The following CHODL variants were observed in gnomAD, a reference collection of about 807,000 sequenced individuals.
CHODL encodes transmembrane protein MT75.
CHODL carries 29 observed loss-of-function variants against 34.5 expected under a neutral mutation model. The observed-to-expected ratio is 0.84, with a 90% CI of 0.63 to 1.15. CHODL has a LOEUF of 1.15. Ranked by LOEUF, CHODL falls within the 50% of genes most tolerant of loss-of-function variation. CHODL has a pLI of 0.00. For synonymous variants in CHODL, 125 were observed against 116.1 expected (o/e 1.08, Z -0.49); for missense variants, 332 against 332.5 (o/e 1.00, Z 0.01).
intron 2 of CHODL, among the ~76,000 whole-genome samples, chr21:18,081,403 G>A (rs771986846): frequency 1.3e-5 from 2 of 152,044 alleles, no homozygotes; most frequent in Non-Finnish European, 2.9e-5. Context: ...AAGTGGGGCT[G>A]GGTGCGGTGG....
At chr21:17,999,014 C>A (rs1210226347) in intron 1 of CHODL, among the ~76,000 whole-genome samples, 1 of 152,292 alleles carries the variant, frequency 6.6e-6, no homozygotes, top group Admixed American at 6.5e-5. Flanking sequence ...TTTTCTGAAC[C>A]TTTATGCTGT....
At chr21:18,127,193 G>A (rs2065557066) in intron 2 of CHODL, among the ~76,000 whole-genome samples, 1 of 151,494 alleles carries the variant, frequency 6.6e-6, no homozygotes, top group African/African-American at 2.4e-5. Flanking sequence ...TTTTTTTTAA[G>A]GAATAATGAA....
chr21:18,113,828 G>A (rs1454972681), intron 2 of CHODL, among the ~76,000 whole-genome samples: 2 of 152,178 alleles, frequency 1.3e-5, no homozygotes, highest in Admixed American at 1.3e-4. Context: ...ATATTGAAGA[G>A]ATATCTGTAC....
At chr21:18,152,770 C>T (rs1400922037) in intron 2 of CHODL, among the ~76,000 whole-genome samples, 1 of 152,190 alleles carries the variant, frequency 6.6e-6, no homozygotes, top group Non-Finnish European at 1.5e-5. Context: ...ATGGTATATG[C>T]ACCAGGGAGT....
At chr21:18,131,348 T>G (rs1373392758) in intron 2 of CHODL, among the ~76,000 whole-genome samples, 2 of 152,250 alleles carry the variant, frequency 1.3e-5, no homozygotes, top group Admixed American at 6.5e-5. Context: ...AATATCTTAA[T>G]GAGGTAGAAA....
At chr21:18,260,354 G>T in intron 4 of CHODL, 68 bp downstream of exon 4, 1 of 997,896 alleles carries the variant, frequency 1.0e-6, no homozygotes, top group South Asian at 1.5e-5. Context: ...GCTTCATGTT[G>T]ACCCCAGTGA....
At chr21:18,220,198 A>G (rs1270281961) in intron 2 of CHODL, among the ~76,000 whole-genome samples, 1 of 151,836 alleles carries the variant, frequency 6.6e-6, no homozygotes, top group Non-Finnish European at 1.5e-5. Flanking sequence ...TCATCCCTTC[A>G]CTTGCAGTCT....
chr21:18,090,759 A>G (rs534922364), intron 2 of CHODL, among the ~76,000 whole-genome samples: 5 of 149,768 alleles, frequency 3.3e-5, no homozygotes, highest in South Asian at 4.2e-4. Flanking sequence ...AAGGCAGGTT[A>G]CAGTATATTA....
Position 18,174,141 on chromosome 21 carries a change from A to ATATCTTGG in CHODL, c.-44-82365_-44-82364insCTTGGTAT, listed in dbSNP as rs1555879227. 6.5e-4 allele frequency among the ~76,000 whole-genome samples: 76 copies of ATATCTTGG among 117,346 alleles called. 2 individuals are homozygous for ATATCTTGG. The highest frequency in any genetic ancestry group is 2.5e-3 in the African/African-American group (71 of 28,474). The allele number at this position is 117,346 out of a possible 152,430, so 77.0% of individuals were successfully genotyped here. The stretch of plus-strand genomic sequence containing the variant: ...TCTTGGTGTATATATATATATATAT[A>ATATCTTGG]TATATATATATATATATATAAAATC... On this transcript the variant is annotated intron_variant, in intron 2 of 6. Coordinates refer to the CHODL transcript ENST00000400127.
intron 1 of CHODL, among the ~76,000 whole-genome samples, chr21:17,960,780 C>T (rs200800): frequency 3.9e-4 from 60 of 152,030 alleles, no homozygotes; most frequent in Middle Eastern, 3.4e-3. Flanking sequence ...TTCTCCAGGA[C>T]TCTCTTGATC....
At chr21:18,227,183 C>T (rs1421927787) in intron 2 of CHODL, among the ~76,000 whole-genome samples, 1 of 152,064 alleles carries the variant, frequency 6.6e-6, no homozygotes, top group Non-Finnish European at 1.5e-5. Context: ...GGCCTCATGA[C>T]CTAATCACCT....
chr21:18,086,029 G>T (rs2065002106), intron 2 of CHODL, among the ~76,000 whole-genome samples: 2 of 115,044 alleles, frequency 1.7e-5, no homozygotes, highest in East Asian at 3.5e-4. Flanking sequence ...CAGATGTCTT[G>T]AAGACTTTGT....
intron 1 of CHODL, among the ~76,000 whole-genome samples, chr21:17,993,049 T>G (rs1162352834): frequency 6.6e-6 from 1 of 152,190 alleles, no homozygotes; most frequent in Non-Finnish European, 1.5e-5. Flanking sequence ...TCCTTCCATT[T>G]CCTCGTCTGG....
intron 3 of CHODL, among the ~76,000 whole-genome samples, chr21:18,259,714 T>C (rs774560898): frequency 9.2e-5 from 14 of 152,236 alleles, no homozygotes; most frequent in Non-Finnish European, 1.8e-4. Flanking sequence ...ACGTTGTTAC[T>C]TGAATCATCA....
intron 2 of CHODL, among the ~76,000 whole-genome samples, chr21:18,202,578 T>G (rs1298324647): frequency 6.6e-6 from 1 of 152,166 alleles, no homozygotes; most frequent in Non-Finnish European, 1.5e-5. Flanking sequence ...AGTCTGCCCT[T>G]TTGTCGTGGG....
At chr21:18,193,627 C>T (rs1043724615) in intron 2 of CHODL, among the ~76,000 whole-genome samples, 1 of 148,866 alleles carries the variant, frequency 6.7e-6, no homozygotes, top group Admixed American at 6.8e-5. Flanking sequence ...ACCCAGGAGG[C>T]AGAGGTTGCA....
chr21:18,219,554 G>A (rs925735253), intron 2 of CHODL, among the ~76,000 whole-genome samples: 2 of 152,112 alleles, frequency 1.3e-5, no homozygotes, highest in African/African-American at 4.8e-5. Context: ...AACAGAGTAT[G>A]AGAGTTCCCC....
intron 2 of CHODL, among the ~76,000 whole-genome samples, chr21:18,032,856 G>A (rs2064263870): frequency 6.6e-6 from 1 of 151,918 alleles, no homozygotes; most frequent in Non-Finnish European, 1.5e-5. Context: ...AAAGGTGACG[G>A]CATGACATTT....
intron 2 of CHODL, among the ~76,000 whole-genome samples, chr21:18,237,703 T>C (rs1325383424): frequency 1.3e-5 from 2 of 152,154 alleles, no homozygotes; most frequent in African/African-American, 2.4e-5. Context: ...CAGTTTTGGA[T>C]AAATATTTAC....
Sources: gnomAD v4.1 joint callset for allele counts (sites outside exome capture counted in the v4.1 genomes callset) on GRCh38, gnomAD v4.1.1 for gene constraint, MANE v1.5 for transcripts, NCBI Gene and HGNC (gene_info 2026-07-23, HGNC 2026-07-21) for gene names.